MCC: variants seen among roughly 807,000 people sequenced by gnomAD.
The protein encoded by MCC is colorectal mutant cancer protein.
A neutral mutation model predicts 116.2 loss-of-function variants in MCC; 90 were observed. The observed-to-expected ratio is 0.77, with a 90% CI of 0.65 to 0.92. MCC has a LOEUF of 0.92. MCC is among the 40% of genes least tolerant of loss of function. The pLI, the probability that MCC is intolerant of heterozygous loss-of-function variation, is 0.00. For missense variants in MCC, 1,516 were observed against 1,312.2 expected, an observed-to-expected ratio of 1.16 and a Z score of -2.40; for synonymous variants, 578 against 510.5, an observed-to-expected ratio of 1.13 and a Z score of -1.78.
At chr5:113,145,985 A>G (rs1392617642) in intron 4 of MCC, among the ~76,000 whole-genome samples, 2 of 152,212 alleles carry the variant, frequency 1.3e-5, no homozygotes, top group African/African-American at 2.4e-5. Context: ...AGCTAAAGGA[A>G]AAAAAGACTC....
chr5:113,395,951 C>G (rs1196187324), intron 1 of MCC, among the ~76,000 whole-genome samples: 1 of 152,116 alleles, frequency 6.6e-6, no homozygotes, highest in African/African-American at 2.4e-5. Context: ...AAAAGGCTTC[C>G]TAAGTAGTTC....
intron 3 of MCC, among the ~76,000 whole-genome samples, chr5:113,157,789 T>C (rs1760254809): frequency 6.6e-6 from 1 of 152,260 alleles, no homozygotes; most frequent in Non-Finnish European, 1.5e-5. Flanking sequence ...TACTGAACTC[T>C]ATATACACTG....
intron 8 of MCC, among the ~76,000 whole-genome samples, chr5:113,100,908 AG>A (rs1756366570): frequency 1.3e-5 from 2 of 152,206 alleles, no homozygotes; most frequent in Admixed American, 6.5e-5. Flanking sequence ...TGAAGTTCTG[AG>A]GGAAGTGTTT....
intron 2 of MCC, among the ~76,000 whole-genome samples, chr5:113,380,690 T>C (rs764219357): frequency 6.6e-6 from 1 of 152,128 alleles, no homozygotes; most frequent in Non-Finnish European, 1.5e-5. Context: ...TCATGTCAGA[T>C]AAGGGTGAGT....
chr5:113,377,461 G>C (rs1218017410), intron 2 of MCC, among the ~76,000 whole-genome samples: 1 of 152,034 alleles, frequency 6.6e-6, no homozygotes, highest in Non-Finnish European at 1.5e-5. Flanking sequence ...GTAGATAAAA[G>C]AGAGCTGTAT....
At chr5:113,446,244 A>G (rs1447265203) in intron 1 of MCC, among the ~76,000 whole-genome samples, 1 of 152,230 alleles carries the variant, frequency 6.6e-6, no homozygotes, top group Non-Finnish European at 1.5e-5. Flanking sequence ...AAAAATTGAC[A>G]AGCATGACAT....
Position 113,084,140 on chromosome 5 carries a change from A to T in MCC, c.1596T>A (p.Ser532=). ...TTTCTGAGCCCAGGACTGGCCGATC[A>T]GATGATGACGATTCGGACCTTGTCT... ...LSKTRSESSS[S]DRPVLGSEIS... is the part of the protein sequence containing the mutation. The change falls in exon 10 of 19, where the codon TCT becomes TCA. Residue 532 remains serine, a synonymous_variant. Transcript: ENST00000408903. The T allele has an allele frequency of 6.2e-7, 1 of 1,614,238 alleles. No individual in the cohort carries two copies. Among genetic ancestry groups the T allele is most frequent in the Non-Finnish European group, 8.5e-7 (1 of 1,180,034 alleles).
chr5:113,430,234 T>A (rs901807245), intron 1 of MCC, among the ~76,000 whole-genome samples: 1 of 152,240 alleles, frequency 6.6e-6, no homozygotes, highest in Admixed American at 6.5e-5. Context: ...CAATCTTTCA[T>A]AAGTTTTGTT....
At chr5:113,157,130 G>A (rs10066822) in intron 3 of MCC, among the ~76,000 whole-genome samples, 14,217 of 152,212 alleles carry the variant, frequency 0.093, 1,142 homozygotes, top group African/African-American at 0.22. Flanking sequence ...GCCCCTCCAG[G>A]AGTGTCACTG....
intron 9 of MCC, among the ~76,000 whole-genome samples, chr5:113,084,755 CTT>C (rs992620756): frequency 6.6e-6 from 1 of 152,122 alleles, no homozygotes; most frequent in East Asian, 1.9e-4. Context: ...ATCTATTTTT[CTT>C]TTTTTGTGGC....
intron 6 of MCC, among the ~76,000 whole-genome samples, chr5:113,111,898 G>A (rs1257071764): frequency 2.0e-5 from 3 of 152,270 alleles, no homozygotes; most frequent in East Asian, 1.9e-4. Context: ...TTCTTACTCA[G>A]GATCAGCTAT....
intron 3 of MCC, among the ~76,000 whole-genome samples, chr5:113,315,728 A>G (rs1767263520): frequency 7.3e-6 from 1 of 136,102 alleles, no homozygotes; most frequent in Non-Finnish European, 1.6e-5. Flanking sequence ...AAAAAAAAAA[A>G]TAGCAAGGCA....
At chr5:113,195,151 G>A (rs1310954288) in intron 3 of MCC, among the ~76,000 whole-genome samples, 1 of 152,212 alleles carries the variant, frequency 6.6e-6, no homozygotes, top group Non-Finnish European at 1.5e-5. Context: ...ACCACACACA[G>A]ATCACACTTG....
intron 3 of MCC, among the ~76,000 whole-genome samples, chr5:113,201,496 C>A (rs1180272750): frequency 6.6e-6 from 1 of 152,060 alleles, no homozygotes; most frequent in Non-Finnish European, 1.5e-5. Flanking sequence ...ATCCATGGCT[C>A]CTTCTTGGTG....
At chr5:113,115,123 C>T (rs1372390815) in intron 6 of MCC, among the ~76,000 whole-genome samples, 1 of 152,190 alleles carries the variant, frequency 6.6e-6, no homozygotes, top group East Asian at 1.9e-4. Flanking sequence ...ACTGTGGGGC[C>T]ATCACGGAGT....
intron 1 of MCC, among the ~76,000 whole-genome samples, chr5:113,454,351 C>T (rs893767192): frequency 3.9e-5 from 6 of 152,126 alleles, no homozygotes; most frequent in Non-Finnish European, 5.9e-5. Flanking sequence ...GTGATCCTCC[C>T]GCCTTGGCCT....
chr5:113,146,473 G>C (rs1470590021), intron 4 of MCC, among the ~76,000 whole-genome samples: 3 of 151,310 alleles, frequency 2.0e-5, no homozygotes, highest in Non-Finnish European at 4.4e-5. Flanking sequence ...ACGCCTCTGT[G>C]AACTCTAGGG....
intron 2 of MCC, among the ~76,000 whole-genome samples, chr5:113,367,628 G>GA (rs1768729511): frequency 1.1e-5 from 1 of 93,198 alleles, no homozygotes; most frequent in African/African-American, 4.3e-5. Context: ...AAGGCAGAGG[G>GA]TGGGGGGGGG....
At chr5:113,124,175 G>C (rs1183994274) in intron 5 of MCC, among the ~76,000 whole-genome samples, 1 of 152,162 alleles carries the variant, frequency 6.6e-6, no homozygotes, top group Non-Finnish European at 1.5e-5. Flanking sequence ...ATGAATTAGA[G>C]AGTGGTGAAG....
Sources: allele counts gnomAD v4.1 joint callset (sites outside exome capture counted in the v4.1 genomes callset), GRCh38; gene constraint gnomAD v4.1.1; transcripts MANE v1.5; gene names NCBI Gene and HGNC (gene_info 2026-07-23, HGNC 2026-07-21).